NRXN1: variants seen among roughly 807,000 people sequenced by gnomAD.
The protein encoded by NRXN1 is neurexin 1.
NRXN1 carries 39 observed loss-of-function variants against 150.9 expected under a neutral mutation model. The ratio of observed to expected loss-of-function variants is 0.26; its 90% confidence interval spans 0.20 to 0.34. The LOEUF (loss-of-function observed/expected upper bound fraction) is 0.34. Ranked by LOEUF, NRXN1 falls within the 10% of genes least tolerant of loss-of-function variation. The pLI is 1.00. For synonymous variants in NRXN1, 924 were observed against 757.0 expected, an observed-to-expected ratio of 1.22 and a Z score of -3.62; for missense variants, 1,815 against 1,949.9, an observed-to-expected ratio of 0.93 and a Z score of 1.30.
At chr2:50,266,825 T>G (rs2068955825) in intron 17 of NRXN1, among the ~76,000 whole-genome samples, 1 of 152,144 alleles carries the variant, frequency 6.6e-6, no homozygotes, top group Non-Finnish European at 1.5e-5. Context: ...CGTTTGGTAT[T>G]TAAGAAAGCA....
chr2:50,427,796 A>AT (rs1318886411), intron 17 of NRXN1, among the ~76,000 whole-genome samples: 27 of 152,196 alleles, frequency 1.8e-4, no homozygotes, highest in Non-Finnish European at 2.1e-4. Flanking sequence ...CTTCGAATAC[A>AT]TTTTTAAAAA....
In NRXN1 at chr2:50,901,814, G is replaced by A. The variant is rs567952681; in HGVS notation, c.832+20055C>T. Among the ~76,000 whole-genome samples the A allele has an allele frequency of 2.6e-5, 4 of 152,278 alleles. No individual in the cohort carries two copies. In the East Asian group the frequency reaches 7.7e-4, roughly 29 times the overall value. ...AGTTCTTCAGTAAATGTGAATTATA[G>A]CAATAATGTGCTAATTTGTATTCAC... On this transcript the variant is annotated intron_variant, in intron 5 of 22. Transcript: ENST00000401669.
At chr2:50,487,373 G>C (rs2090948213) in intron 15 of NRXN1, among the ~76,000 whole-genome samples, 1 of 152,124 alleles carries the variant, frequency 6.6e-6, no homozygotes, top group African/African-American at 2.4e-5. Context: ...CCAAAAAGGG[G>C]CCACTTTTAA....
intron 5 of NRXN1, among the ~76,000 whole-genome samples, chr2:50,719,458 T>C (rs1696329047): frequency 6.6e-6 from 1 of 152,012 alleles, no homozygotes; most frequent in Non-Finnish European, 1.5e-5. Flanking sequence ...AAGTGGATCA[T>C]GAGGTCAGGA....
chr2:50,043,612 T>G (rs1691351386), intron 21 of NRXN1, among the ~76,000 whole-genome samples: 1 of 152,188 alleles, frequency 6.6e-6, no homozygotes, highest in Non-Finnish European at 1.5e-5. Context: ...GTGGACTCAC[T>G]CTTTCAAAAC....
chr2:50,119,966 A>C (rs2152734955), intron 18 of NRXN1, among the ~76,000 whole-genome samples: 1 of 152,302 alleles, frequency 6.6e-6, no homozygotes, highest in South Asian at 2.1e-4. Context: ...GGTTCAGTGG[A>C]AGAAGGAGCC....
chr2:50,189,901 T>A (rs2061343269), intron 18 of NRXN1, among the ~76,000 whole-genome samples: 1 of 152,196 alleles, frequency 6.6e-6, no homozygotes, highest in Non-Finnish European at 1.5e-5. Context: ...TGCACATGGA[T>A]GATACTCAGA....
intron 18 of NRXN1, among the ~76,000 whole-genome samples, chr2:50,234,007 CCTTT>C (rs1159151107): frequency 3.9e-5 from 6 of 152,022 alleles, no homozygotes; most frequent in East Asian, 1.9e-4. Flanking sequence ...TTCTTCCCTC[CCTTT>C]CTTTCTTTCT....
At chr2:50,743,687 C>G (rs1386810472) in intron 5 of NRXN1, among the ~76,000 whole-genome samples, 1 of 152,140 alleles carries the variant, frequency 6.6e-6, no homozygotes, top group Non-Finnish European at 1.5e-5. Flanking sequence ...ATCACGTGAT[C>G]TTTTAAACCC....
intron 18 of NRXN1, among the ~76,000 whole-genome samples, chr2:50,221,180 G>A (rs1379562319): frequency 8.1e-6 from 1 of 123,890 alleles, no homozygotes; most frequent in Non-Finnish European, 1.8e-5. Flanking sequence ...CAACCTGTTG[G>A]AAATAAACAA....
chr2:50,471,939 G>C (rs989832724), intron 16 of NRXN1, among the ~76,000 whole-genome samples: 1 of 151,626 alleles, frequency 6.6e-6, no homozygotes, highest in Non-Finnish European at 1.5e-5. Context: ...ATTAATACTC[G>C]GTGGAGCAGT....
At chr2:50,126,902 G>A (rs865904083) in intron 18 of NRXN1, among the ~76,000 whole-genome samples, 1 of 152,048 alleles carries the variant, frequency 6.6e-6, no homozygotes, top group Non-Finnish European at 1.5e-5. Flanking sequence ...ATCCTGAGTT[G>A]GAAACAGCAC....
chr2:50,958,083 C>T (rs972666623), intron 2 of NRXN1, among the ~76,000 whole-genome samples: 19 of 152,016 alleles, frequency 1.2e-4, no homozygotes, highest in Admixed American at 1.2e-3. Context: ...TGTCTCAGTG[C>T]CTTTCTGGGC....
In NRXN1 at chr2:50,195,557, T is replaced by G. The variant is rs1397931934; in HGVS notation, c.3546+41232A>C. On this transcript the variant is annotated intron_variant, in intron 18 of 22. Transcript: ENST00000401669. The stretch of plus-strand genomic sequence containing the variant: ...GAAGCAATAATCTCTTTAAAATATT[T>G]ACAAGTCTATTCATCATGGGAAAAA... 3.3e-5 allele frequency among the ~76,000 whole-genome samples: 5 copies of G among 152,342 alleles called. No homozygotes were observed. The East Asian group carries it at 9.6e-4, about 29-fold the overall frequency.
intron 17 of NRXN1, among the ~76,000 whole-genome samples, chr2:50,252,233 C>CTTTTTTTTTT (rs55993018): frequency 6.3e-5 from 6 of 94,920 alleles, no homozygotes; most frequent in East Asian, 3.3e-4. Flanking sequence ...ACATTTTGTC[C>CTTTTTTTTTT]TTTTTTTTTT....
At chr2:50,978,291 TA>T in intron 2 of NRXN1, among the ~76,000 whole-genome samples, 1 of 131,794 alleles carries the variant, frequency 7.6e-6, no homozygotes, top group African/African-American at 2.8e-5. Flanking sequence ...TATATATATA[TA>T]TATATATATA....
At chr2:51,018,694 TC>T (rs1242523898) in intron 2 of NRXN1, among the ~76,000 whole-genome samples, 3 of 152,106 alleles carry the variant, frequency 2.0e-5, no homozygotes, top group Non-Finnish European at 4.4e-5. Flanking sequence ...CTGAGCTAGT[TC>T]TTTATATTTG....
chr2:50,418,215 T>C (rs573001993), intron 17 of NRXN1, among the ~76,000 whole-genome samples: 15 of 152,088 alleles, frequency 9.9e-5, no homozygotes, highest in African/African-American at 3.4e-4. Flanking sequence ...AGCACGTGCC[T>C]CTTCTTATAT....
rs142561822 is a variant in NRXN1 at position 50,852,296 on chromosome 2, G to A, written c.832+69573C>T. 3.8e-3 allele frequency among the ~76,000 whole-genome samples: 579 copies of A among 152,038 alleles called. 3 individuals carry two copies. Among genetic ancestry groups the A allele is most frequent in the African/African-American group, 0.013 (540 of 41,506 alleles). ...GAAAATCTACTCTTTCCCCTATCAG[G>A]CAAAAAAGGCAAGAGGGAAACAACT... On this transcript the variant is annotated intron_variant, in intron 5 of 22. Transcript: ENST00000401669.
Sources: gnomAD v4.1 joint callset for allele counts (sites outside exome capture counted in the v4.1 genomes callset) on GRCh38, gnomAD v4.1.1 for gene constraint, MANE v1.5 for transcripts, NCBI Gene and HGNC (gene_info 2026-07-23, HGNC 2026-07-21) for gene names.